The following TRAPPC10 variants were observed in gnomAD, a reference collection of about 807,000 sequenced individuals.
TRAPPC10 encodes the protein trafficking protein particle complex subunit 10.
In TRAPPC10, 23 loss-of-function variants were observed where a neutral mutation model predicts 125.5. The ratio of observed to expected loss-of-function variants is 0.18; its 90% CI spans 0.13 to 0.26. TRAPPC10 has a LOEUF of 0.26. Among genes scored for constraint, TRAPPC10 ranks in the 10% least tolerant of loss-of-function variants. The pLI, the probability that TRAPPC10 is intolerant of heterozygous loss-of-function variation, is 1.00. For synonymous variants in TRAPPC10, 509 were observed against 518.0 expected, an observed-to-expected ratio of 0.98 and a Z score of 0.24; for missense variants, 1,123 against 1,308.4, an observed-to-expected ratio of 0.86 and a Z score of 2.19.
chr21:44,082,885 C>T lies in TRAPPC10; in HGVS notation c.1821C>T (p.Cys607=), dbSNP rs1478722487. The T allele has an allele frequency of 5.6e-6, 9 of 1,614,062 alleles. No individual in the cohort carries two copies. The highest frequency in any genetic ancestry group is 2.2e-5 in the South Asian group (2 of 91,070). Residue 607 remains cysteine, a synonymous_variant, in exon 14 of 23, where the codon TGC becomes TGT. Transcript: ENST00000291574. This position sits in a 1 kb window ranked among gnomAD's most constrained non-coding sequence, Gnocchi z 4.4. The part of the protein sequence containing the change: ...NAVVHVGGVL[C]VEITMYSQMP... Reference sequence around the variant, plus strand: ...TGGTCCACGTGGGCGGCGTTTTGTGCGTTGAGATAACCATGTACAGCCAGA... The same window carrying T: ...TGGTCCACGTGGGCGGCGTTTTGTGTGTTGAGATAACCATGTACAGCCAGA...
intron 1 of TRAPPC10, among the ~76,000 whole-genome samples, chr21:44,025,970 G>A (rs1239668311): frequency 6.6e-6 from 1 of 151,954 alleles, no homozygotes; most frequent in Non-Finnish European, 1.5e-5. Context: ...ATGGCAGGGG[G>A]TGTACTGAGT....
chr21:44,012,522 C>T lies in TRAPPC10; in HGVS notation c.29C>T (p.Pro10Leu), dbSNP rs1480303913. The change falls in exon 1 of 23, where the codon CCG becomes CTG. Residue 10 changes from proline to leucine, a missense_variant. Coordinates refer to ENST00000291574, the MANE Select transcript of TRAPPC10 (RefSeq NM_003274.5). MDASEEPLP[P>L]VIYTMENKPI... ...GACGCCTCTGAGGAGCCGCTGCCGC[C>T]GGTGATCTACACCATGGAGAACAAG... 2.6e-5 allele frequency: 40 copies of T among 1,533,470 alleles called. No homozygotes were observed. The highest frequency in any genetic ancestry group is 2.3e-4 in the Middle Eastern group (1 of 4,442). 95.0% of individuals were successfully genotyped at this position (1,533,470 alleles called of 1,614,324 possible).
chr21:44,074,159 T>C (rs79948675), intron 7 of TRAPPC10, among the ~76,000 whole-genome samples, 165 bp from the exon 8 acceptor site: 3,294 of 152,284 alleles, frequency 0.022, 113 homozygotes, highest in African/African-American at 0.073. Context: ...TTAGTGTTCT[T>C]TGCCCCTTTC....
At chr21:44,028,401 G>T (rs1356384827) in intron 1 of TRAPPC10, among the ~76,000 whole-genome samples, 1 of 152,210 alleles carries the variant, frequency 6.6e-6, no homozygotes, top group Non-Finnish European at 1.5e-5. Flanking sequence ...AAGAGTGCCT[G>T]TGTCCCTCTG....
intron 7 of TRAPPC10, among the ~76,000 whole-genome samples, chr21:44,068,901 C>T (rs1412106495): frequency 6.6e-6 from 1 of 152,086 alleles, no homozygotes; most frequent in African/African-American, 2.4e-5. Flanking sequence ...TGCACCCAGC[C>T]GGCAGATTTT....
rs775813570 is a variant in TRAPPC10 at position 44,047,529 on chromosome 21, A to AGTGTGTGTGTGTGTGTGTGTGT, written c.286-4749_286-4748insGTGTGTGTGTGTGTGTGTGTGT. On this transcript the variant is annotated intron_variant, in intron 3 of 22. Coordinates refer to ENST00000291574, the MANE Select transcript of TRAPPC10 (RefSeq NM_003274.5). The stretch of plus-strand genomic sequence containing the variant: ...TTTTCTGTTGCACCCTCTCTGGGGG[A>AGTGTGTGTGTGTGTGTGTGTGT]GTATGTGTGTGTGTGTGTGTGTGTG... Among the ~76,000 whole-genome samples the AGTGTGTGTGTGTGTGTGTGTGT allele has an allele frequency of 7.7e-5, 8 of 104,470 alleles. No individual in the cohort carries two copies. In the East Asian group the frequency reaches 9.0e-4, roughly 12 times the overall value. The allele number at this position is 104,470 out of a possible 152,430, so 68.5% of individuals were successfully genotyped here. A position where few individuals can be genotyped will look rare whatever the true frequency, so the allele number is the denominator to read the frequency against.
chr21:44,065,134 T>A (rs890160073), intron 7 of TRAPPC10, among the ~76,000 whole-genome samples: 72 of 152,196 alleles, frequency 4.7e-4, no homozygotes, highest in African/African-American at 1.5e-3. Flanking sequence ...TCCAAATGAT[T>A]CAGACATGAT....
chr21:44,034,891 G>A (rs2145706167), intron 2 of TRAPPC10, among the ~76,000 whole-genome samples: 1 of 152,342 alleles, frequency 6.6e-6, no homozygotes, highest in East Asian at 1.9e-4. Flanking sequence ...CAGAAGCTGG[G>A]AGAGAAGCAA....
At chr21:44,032,379 C>CTTTTTTTTTT (rs1200011844) in intron 2 of TRAPPC10, among the ~76,000 whole-genome samples, 3 of 108,472 alleles carry the variant, frequency 2.8e-5, no homozygotes, top group Non-Finnish European at 3.6e-5. Flanking sequence ...CCATGGTTTT[C>CTTTTTTTTTT]TTTTTTTTTT....
intron 4 of TRAPPC10, among the ~76,000 whole-genome samples, chr21:44,055,165 T>C (rs2035487548): frequency 1.3e-5 from 2 of 152,172 alleles, no homozygotes; most frequent in Non-Finnish European, 2.9e-5. Flanking sequence ...CTTTCCCCCT[T>C]TCCAGTTGAT....
chr21:44,089,732 A>G lies in TRAPPC10; in HGVS notation c.2770-101A>G, dbSNP rs141499256. Reference sequence around the variant, plus strand: ...TGGTTGAAGCCATAATAAAATGTCTAGGGCGTGGGCGGGCACTGCAGGTGA... The same window carrying G: ...TGGTTGAAGCCATAATAAAATGTCTGGGGCGTGGGCGGGCACTGCAGGTGA... On this transcript the variant is annotated intron_variant, in intron 17 of 22. Coordinates refer to ENST00000291574, the MANE Select transcript of TRAPPC10 (RefSeq NM_003274.5). The G allele has an allele frequency of 1.6e-3, 1,289 of 814,144 alleles. 11 individuals are homozygous for G. In the African/African-American group the frequency reaches 0.018, roughly 11 times the overall value. 50.4% of individuals were successfully genotyped at this position (814,144 alleles called of 1,614,324 possible).
rs1185910147 is a variant in TRAPPC10, at chr21:44,059,175, G to A, written c.751G>A (p.Ala251Thr). ...DALVQYDELD[A>T]LFSQYVVNFG... Reference sequence around the variant, plus strand: ...CCTGGTGCAGTACGACGAACTGGACGCCCTCTTCTCTCAGTATGTGGTCAA... The same window carrying A: ...CCTGGTGCAGTACGACGAACTGGACACCCTCTTCTCTCAGTATGTGGTCAA... Residue 251 changes from alanine (A) to threonine (T), a missense_variant, in exon 6 of 23, where the codon GCC (alanine) becomes ACC (threonine). Around this residue, in one of 4 missense-constraint regions of TRAPPC10, gnomAD observed 91 missense variants for 127.1 expected, o/e 0.72. Coordinates refer to ENST00000291574, the MANE Select transcript of TRAPPC10 (RefSeq NM_003274.5). The surrounding 1 kb of genome is among the most constrained non-coding windows in gnomAD (Gnocchi z 4.4). The A allele has an allele frequency of 1.9e-6, 3 of 1,611,568 alleles. No homozygotes were observed. The highest frequency in any genetic ancestry group is 2.5e-6 in the Non-Finnish European group (3 of 1,179,118).
chr21:44,079,703 A>G lies in TRAPPC10; in HGVS notation c.1609A>G (p.Asn537Asp). The G allele has an allele frequency of 6.2e-7, 1 of 1,603,020 alleles. No individual in the cohort carries two copies. The highest frequency in any genetic ancestry group is 1.1e-5 in the South Asian group (1 of 88,190). The change falls in exon 12 of 23, where the codon AAC becomes GAC. Residue 537 changes from asparagine (N) to aspartate (D), a missense_variant and splice_region_variant. By Grantham distance (23) the Asn-to-Asp change is conservative. Around this residue, in one of 4 missense-constraint regions of TRAPPC10, gnomAD observed 840 missense variants for 902.0 expected, o/e 0.93. Coordinates refer to ENST00000291574, the MANE Select transcript of TRAPPC10 (RefSeq NM_003274.5). ...ECQKHLGQIE[N>D]YLQTSSLLAS... ...TCAAAAGCACCTTGGACAAATTGAA[A>G]AGTATCCTTTAATGTTTTCATGAAG...
At chr21:44,044,432 A>G (rs1399664446) in intron 3 of TRAPPC10, among the ~76,000 whole-genome samples, 1 of 151,884 alleles carries the variant, frequency 6.6e-6, no homozygotes, top group Non-Finnish European at 1.5e-5. Flanking sequence ...TTTAGGACTT[A>G]TAGAGTACAT....
intron 2 of TRAPPC10, among the ~76,000 whole-genome samples, chr21:44,033,359 AC>A (rs942198875): frequency 2.6e-5 from 4 of 152,200 alleles, no homozygotes; most frequent in African/African-American, 4.8e-5. Context: ...ATAGTGTCTT[AC>A]AAGATATGCA....
intron 1 of TRAPPC10, among the ~76,000 whole-genome samples, chr21:44,018,028 T>C (rs965999358): frequency 3.9e-5 from 6 of 152,172 alleles, no homozygotes; most frequent in Non-Finnish European, 7.4e-5. Context: ...ACTGATACTT[T>C]AGAATTGAAA....
chr21:44,059,045 T>C lies in TRAPPC10; in HGVS notation c.679-58T>C, dbSNP rs554366551. ...TGTCGTTTAATGGCTACATACTGTTTCTTCTATACATTGATTTATGTTTTT... is the reference window on the plus strand; with the variant it reads ...TGTCGTTTAATGGCTACATACTGTTCCTTCTATACATTGATTTATGTTTTT... On this transcript the variant is annotated intron_variant, in intron 5 of 22. Coordinates refer to ENST00000291574, the MANE Select transcript of TRAPPC10 (RefSeq NM_003274.5). This position sits in a 1 kb window ranked among gnomAD's most constrained non-coding sequence, Gnocchi z 4.4. 8.5e-4 allele frequency: 1,152 copies of C among 1,362,286 alleles called. 5 individuals are homozygous for C. Among genetic ancestry groups the C allele is most frequent in the African/African-American group, 7.6e-3 (524 of 68,760 alleles). The allele number at this position is 1,362,286 out of a possible 1,614,324, so 84.4% of individuals were successfully genotyped here. A position where few individuals can be genotyped will look rare whatever the true frequency, so the allele number is the denominator to read the frequency against.
intron 5 of TRAPPC10, among the ~76,000 whole-genome samples, chr21:44,057,262 T>G (rs1256632587): frequency 6.6e-6 from 1 of 151,842 alleles, no homozygotes; most frequent in Non-Finnish European, 1.5e-5. Flanking sequence ...ATAGTGTGAG[T>G]GCATTTAACA....
In TRAPPC10 at chr21:44,083,257, C is replaced by T. The variant is rs761713093; in HGVS notation, c.2193C>T (p.His731=). 12 of 1,614,100 alleles carry T rather than the reference C, an allele frequency of 7.4e-6. No homozygotes were observed. The highest frequency in any genetic ancestry group is 1.1e-5 in the South Asian group (1 of 91,086). The change falls in exon 14 of 23, where the codon CAC becomes CAT. Residue 731 remains histidine, a synonymous_variant. Coordinates refer to ENST00000291574, the MANE Select transcript of TRAPPC10 (RefSeq NM_003274.5). The part of the protein sequence containing the change: ...EEGAHVLRCS[H]VTLEPGANQI... ...GTGCCCACGTGCTGAGGTGCAGCCACGTGACCCTGGAACCAGGGGCCAACC... is the reference window on the plus strand; with the variant it reads ...GTGCCCACGTGCTGAGGTGCAGCCATGTGACCCTGGAACCAGGGGCCAACC...
Sources: gnomAD v4.1 joint callset for allele counts (sites outside exome capture counted in the v4.1 genomes callset) on GRCh38, gnomAD v4.1.1 for gene constraint, gnomAD v4.1.1 regional missense constraint, Gnocchi (gnomAD v3.1) non-coding constraint, MANE v1.5 for transcripts, NCBI Gene and HGNC (gene_info 2026-07-23, HGNC 2026-07-21) for gene names.